EHBP1L1: variants seen among roughly 807,000 people sequenced by gnomAD.
The protein encoded by EHBP1L1 is EH domain binding protein 1 like 1.
A neutral mutation model predicts 151.1 loss-of-function variants in EHBP1L1; 122 were observed. That is an observed-to-expected ratio of 0.81 (90% CI 0.70 to 0.94). The LOEUF is 0.94. Among genes scored for constraint, EHBP1L1 ranks in the 40% least tolerant of loss-of-function variants. The pLI, the probability that EHBP1L1 is intolerant of heterozygous loss-of-function variation, is 0.00. For missense variants in EHBP1L1, 1,941 were observed against 1,959.8 expected (o/e 0.99, Z 0.18); for synonymous variants, 878 against 810.1 (o/e 1.08, Z -1.42).
intron 12 of EHBP1L1, among the ~76,000 whole-genome samples, chr11:65,589,073 G>C (rs959545508): frequency 5.3e-5 from 8 of 152,184 alleles, no homozygotes; most frequent in African/African-American, 1.4e-4. Flanking sequence ...CCAGCACTAG[G>C]TGACAGAAGT....
chr11:65,582,079 G>A lies in EHBP1L1; in HGVS notation c.1407G>A (p.Arg469=). 6.2e-7 allele frequency: 1 copy of A among 1,611,052 alleles called. No individual in the cohort carries two copies. The highest frequency in any genetic ancestry group is 8.5e-7 in the Non-Finnish European group (1 of 1,178,752). Reference sequence around the variant, plus strand: ...GCTCTCAGGGGAGGCTGGGAGTCAGGACCAGGGATGAGGCTCCCTCAGGCC... The same window carrying A: ...GCTCTCAGGGGAGGCTGGGAGTCAGAACCAGGGATGAGGCTCCCTCAGGCC... ...PRGSQGRLGV[R]TRDEAPSGLS... is the part of the protein sequence containing the mutation. The change falls in exon 9 of 19, where the codon AGG becomes AGA. Residue 469 remains arginine, a synonymous_variant. Transcript: ENST00000309295.
Position 65,581,405 on chromosome 11 carries a change from GC to G in EHBP1L1, c.866+37del, listed in dbSNP as rs767804354. On this transcript the variant is annotated intron_variant, in intron 8 of 18. Coordinates refer to ENST00000309295, the MANE Select transcript of EHBP1L1 (RefSeq NM_001099409.3). Reference sequence around the variant, plus strand: ...TTTGGAACCAGCCTCACCCCCCATTGCCCCCTGATAGGAGCTGCAGTCCTCA... The same window carrying G: ...TTTGGAACCAGCCTCACCCCCCATTGCCCCTGATAGGAGCTGCAGTCCTCA... 1.5e-5 allele frequency: 22 copies of G among 1,499,260 alleles called. No individual in the cohort carries two copies. The African/African-American group carries it at 2.4e-4, about 16-fold the overall frequency. The allele number at this position is 1,499,260 out of a possible 1,614,324, so 92.9% of individuals were successfully genotyped here.
chr11:65,579,365 C>T lies in EHBP1L1; in HGVS notation c.187C>T (p.Gln63Ter). 1 of 1,574,008 alleles carries T rather than the reference C, an allele frequency of 6.4e-7. No individual in the cohort carries two copies. Among genetic ancestry groups the T allele is most frequent in the African/African-American group, 1.3e-5 (1 of 74,366 alleles). Residue 63 changes from glutamine to a stop codon, truncating the protein, a stop_gained, in exon 3 of 19, where the codon CAG becomes TAG. Transcript: ENST00000309295. LOFTEE classifies it high-confidence loss of function. Reference protein sequence around the residue: ...SKAHSWQPGIQNPYRGTVVWM... With the variant: ...SKAHSWQPGI ...GGCCCACAGCTGGCAGCCGGGCATCCAGAACCCATACCGGGGCACCGTGGT... is the reference window on the plus strand; with the variant it reads ...GGCCCACAGCTGGCAGCCGGGCATCTAGAACCCATACCGGGGCACCGTGGT...
intron 15 of EHBP1L1, 88 bp from the exon 16 acceptor site, chr11:65,590,405 G>A: frequency 2.0e-6 from 3 of 1,530,618 alleles, no homozygotes; most frequent in Non-Finnish European, 2.7e-6. Context: ...GATGTCACAA[G>A]GGAGCAAACC....
Position 65,590,572 on chromosome 11 carries a change from G to A in EHBP1L1, c.4263G>A (p.Arg1421=), listed in dbSNP as rs1478197953. The change falls in exon 16 of 19, where the codon AGG becomes AGA. Residue 1421 remains arginine, a synonymous_variant. Coordinates refer to ENST00000309295, the MANE Select transcript of EHBP1L1 (RefSeq NM_001099409.3). ...LVNKKNALIR[R]QDQLQLLMEE... is the part of the protein sequence containing the mutation. The stretch of plus-strand genomic sequence containing the variant: ...ACAAGAAGAACGCTCTCATCCGGAG[G>A]CAGGACCAGCTGCAGCTGCTGTGAG... The A allele has an allele frequency of 1.2e-5, 20 of 1,613,438 alleles. No homozygotes were observed. Among genetic ancestry groups the A allele is most frequent in the Non-Finnish European group, 1.7e-5 (20 of 1,179,848 alleles).
At position 65,592,077 on chromosome 11, in the gene EHBP1L1, C is replaced by A. The variant is rs1439934317; in HGVS notation, c.4459C>A (p.His1487Asn). 1 of 1,613,236 alleles carries A rather than the reference C, an allele frequency of 6.2e-7. No individual in the cohort carries two copies. The highest frequency in any genetic ancestry group is 8.5e-7 in the Non-Finnish European group (1 of 1,179,656). Residue 1487 changes from histidine to asparagine, a missense_variant, in exon 18 of 19, where the codon CAC becomes AAC. By Grantham distance (68) the His-to-Asn change is moderately conservative. Transcript: ENST00000309295. ...QRDELVRDLD[H>N]KERIALEEDE... ...CGATGAGCTAGTCCGGGACCTGGAC[C>A]ACAAGGAGCGGATGTGAGTGGCGCT...
chr11:65,580,283 G>C (rs1857534281), intron 5 of EHBP1L1, 24 bp downstream of exon 5: 1 of 1,612,934 alleles, frequency 6.2e-7, no homozygotes, highest in South Asian at 1.1e-5. Flanking sequence ...TGCCCTCCTT[G>C]ATCCTGGCCT....
intron 12 of EHBP1L1, 53 bp from the exon 13 acceptor site, chr11:65,589,692 CCCCAGG>C: frequency 6.8e-7 from 1 of 1,475,896 alleles, no homozygotes; most frequent in African/African-American, 1.4e-5. Flanking sequence ...CTCTGGCTGG[CCCCAGG>C]CCCAGGCTGG....
Position 65,589,961 on chromosome 11 carries a change from A to G in EHBP1L1, c.4029A>G (p.Pro1343=). ...GTGGGAGTTCCCCCTCGGAGGAACC[A>G]CCCCCAAGCCCAGGGGAGGAGGCTG... ...PPGGSSPSEE[P]PPSPGEEAGL... is the part of the protein sequence containing the mutation. The change falls in exon 14 of 19, where the codon CCA becomes CCG. Residue 1343 remains proline (P), a synonymous_variant. Transcript: ENST00000309295. The G allele has an allele frequency of 6.3e-7, 1 of 1,579,824 alleles. No individual in the cohort carries two copies. Among genetic ancestry groups the G allele is most frequent in the Non-Finnish European group, 8.6e-7 (1 of 1,159,152 alleles).
At position 65,585,728 on chromosome 11, in the gene EHBP1L1, G is replaced by A. The variant is rs1488465517; in HGVS notation, c.3933+137G>A. ...TGACGGTTTCAGAGTGGCGGGGCTCGGCTGGACCCAGGAGGGGCTATCTGA... is the reference window on the plus strand; with the variant it reads ...TGACGGTTTCAGAGTGGCGGGGCTCAGCTGGACCCAGGAGGGGCTATCTGA... On this transcript the variant is annotated intron_variant, in intron 12 of 18. Coordinates refer to ENST00000309295, the MANE Select transcript of EHBP1L1 (RefSeq NM_001099409.3). The surrounding 1 kb of genome is among the most constrained non-coding windows in gnomAD (Gnocchi z 4.0). 8 of 1,391,152 alleles carry A rather than the reference G, an allele frequency of 5.8e-6. No individual in the cohort carries two copies. Among genetic ancestry groups the A allele is most frequent in the African/African-American group, 4.4e-5 (3 of 68,076 alleles). 86.2% of individuals were successfully genotyped at this position (1,391,152 alleles called of 1,614,324 possible).
In EHBP1L1 at chr11:65,579,991, T is replaced by C; in HGVS notation, c.312+2T>C. 2 of 1,613,876 alleles carry C rather than the reference T, an allele frequency of 1.2e-6. No individual in the cohort carries two copies. The highest frequency in any genetic ancestry group is 1.7e-6 in the Non-Finnish European group (2 of 1,179,864). On this transcript the variant is annotated splice_donor_variant, in intron 4 of 18. Coordinates refer to ENST00000309295, the MANE Select transcript of EHBP1L1 (RefSeq NM_001099409.3). LOFTEE classifies it high-confidence loss of function. Reference sequence around the variant, plus strand: ...GAGTGGACATTTATTATTGAAAATGTGAGTGTCTGGAGTGGGCTCAGGTCT... The same window carrying C: ...GAGTGGACATTTATTATTGAAAATGCGAGTGTCTGGAGTGGGCTCAGGTCT...
chr11:65,580,106 T>C lies in EHBP1L1; in HGVS notation c.338T>C (p.Leu113Pro). Residue 113 changes from leucine (L) to proline (P), a missense_variant, in exon 5 of 19, where the codon CTG becomes CCG. Transcript: ENST00000309295. ...ENESKGQRKV[L>P]ATAEVDLARH... is the part of the protein sequence containing the mutation. ...GAGTCTAAGGGGCAGCGGAAGGTGC[T>C]GGCCACGGCCGAGGTGGACCTGGCC... 1 of 1,613,260 alleles carries C rather than the reference T, an allele frequency of 6.2e-7. No individual in the cohort carries two copies. Among genetic ancestry groups the C allele is most frequent in the Non-Finnish European group, 8.5e-7 (1 of 1,179,626 alleles).
chr11:65,588,069 G>A (rs1276296324), intron 12 of EHBP1L1, among the ~76,000 whole-genome samples: 1 of 152,162 alleles, frequency 6.6e-6, no homozygotes, highest in African/African-American at 2.4e-5. Flanking sequence ...GTGGGGGTTG[G>A]AGCTGTGATG....
rs1217119241 is a variant in EHBP1L1, at chr11:65,581,559, A to G, written c.887A>G (p.Gln296Arg). 1.5e-5 allele frequency: 23 copies of G among 1,503,846 alleles called. No homozygotes were observed. The highest frequency in any genetic ancestry group is 2.0e-5 in the Non-Finnish European group (23 of 1,128,032). 93.2% of individuals were successfully genotyped at this position (1,503,846 alleles called of 1,614,324 possible). The change falls in exon 9 of 19, where the codon CAG (glutamine) becomes CGG (arginine). Residue 296 changes from glutamine to arginine, a missense_variant. Transcript: ENST00000309295. Reference sequence around the variant, plus strand: ...CTCAGGTCTTCAAGGCAGCCAGCCCAGGACACGGCCCCCACCCCAGCCCCT... The same window carrying G: ...CTCAGGTCTTCAAGGCAGCCAGCCCGGGACACGGCCCCCACCCCAGCCCCT... ...PEMRSSRQPA[Q>R]DTAPTPAPRL...
Position 65,584,256 on chromosome 11 carries a change from G to A in EHBP1L1, c.3109G>A (p.Val1037Ile), listed in dbSNP as rs1298745921. 2.5e-6 allele frequency: 4 copies of A among 1,610,036 alleles called. No individual in the cohort carries two copies. The highest frequency in any genetic ancestry group is 3.4e-6 in the Non-Finnish European group (4 of 1,178,634). ...LPGSQAPPAL[V>I]SSSQSLLEWC... is the part of the protein sequence containing the mutation. ...GTGTCCTCAGGCACCACCTGCCCTG[G>A]TCAGCTCCAGCCAGTCCCTGCTGGA... The change falls in exon 10 of 19, where the codon GTC becomes ATC. Residue 1037 changes from valine (V) to isoleucine (I), a missense_variant. Coordinates refer to ENST00000309295, the MANE Select transcript of EHBP1L1 (RefSeq NM_001099409.3).
chr11:65,584,791 C>T (rs1245380504), intron 11 of EHBP1L1, 168 bp from the exon 12 acceptor site: 1 of 1,058,360 alleles, frequency 9.4e-7, no homozygotes, highest in Non-Finnish European at 1.3e-6. Flanking sequence ...TGCTAAGCAA[C>T]GCGAGGGCGG....
At position 65,584,658 on chromosome 11, in the gene EHBP1L1, T is replaced by TA. The variant is rs34004536; in HGVS notation, c.3300+125dup. 5,840 of 1,294,416 alleles carry TA rather than the reference T, an allele frequency of 4.5e-3. 204 individuals are homozygous for TA. The African/African-American group carries it at 0.073, about 16-fold the overall frequency. 80.2% of individuals were successfully genotyped at this position (1,294,416 alleles called of 1,614,324 possible). ...GGCTTCTGGAAGTTCTGCCACTTTT[T>TA]ACCCCTTTGGTCATTAAATTGTTTG... On this transcript the variant is annotated intron_variant, in intron 11 of 18. Coordinates refer to ENST00000309295, the MANE Select transcript of EHBP1L1 (RefSeq NM_001099409.3).
rs761139008 is a variant in EHBP1L1, at chr11:65,576,365, G to A, written c.63G>A (p.Val21=). 4.0e-5 allele frequency: 64 copies of A among 1,597,932 alleles called. No individual in the cohort carries two copies. The highest frequency in any genetic ancestry group is 5.2e-5 in the Non-Finnish European group (61 of 1,172,800). Reference sequence around the variant, plus strand: ...AGCGGGCGGCCAAGTTCCAGTTCGTGGCCTGTTACCACGAGCTAGTGTTGG... The same window carrying A: ...AGCGGGCGGCCAAGTTCCAGTTCGTAGCCTGTTACCACGAGCTAGTGTTGG... The part of the protein sequence containing the change: ...VGKRAAKFQF[V]ACYHELVLEC... The change falls in exon 1 of 19, where the codon GTG becomes GTA. Residue 21 remains valine, a synonymous_variant. Transcript: ENST00000309295.
At position 65,579,130 on chromosome 11, in the gene EHBP1L1, T is replaced by A. The variant is rs777379982; in HGVS notation, c.157T>A (p.Ser53Thr). Residue 53 changes from serine (S) to threonine (T), a missense_variant, in exon 2 of 19, where the codon TCC (serine) becomes ACC (threonine). Ser to Thr is a moderately conservative substitution (Grantham distance 58). Coordinates refer to ENST00000309295, the MANE Select transcript of EHBP1L1 (RefSeq NM_001099409.3). The stretch of plus-strand genomic sequence containing the variant: ...GACCCGTCGGAACCGACGCATCTGC[T>A]CCAAGGTGGGGAAGGATGGCAACTG... Reference protein sequence around the residue: ...VWTRRNRRICSKAHSWQPGIQ... With the variant: ...VWTRRNRRICTKAHSWQPGIQ... 1 of 1,592,454 alleles carries A rather than the reference T, an allele frequency of 6.3e-7. No individual in the cohort carries two copies. Among genetic ancestry groups the A allele is most frequent in the Non-Finnish European group, 8.5e-7 (1 of 1,169,962 alleles).
Sources: allele counts gnomAD v4.1 joint callset (sites outside exome capture counted in the v4.1 genomes callset), GRCh38; gene constraint gnomAD v4.1.1; non-coding constraint Gnocchi (gnomAD v3.1); transcripts MANE v1.5; gene names NCBI Gene and HGNC (gene_info 2026-07-23, HGNC 2026-07-21).